Variants in GDPD1 observed in about 807,000 individuals in gnomAD.
GDPD1 encodes the protein lysophospholipase D GDPD1.
A neutral mutation model predicts 45.1 loss-of-function variants in GDPD1; 28 were observed. That is an observed-to-expected ratio of 0.62 (90% CI 0.46 to 0.85). GDPD1 has a LOEUF of 0.85. Among genes scored for constraint, GDPD1 ranks in the 40% least tolerant of loss-of-function variants. The pLI is 0.00. For missense variants in GDPD1, 256 were observed against 364.8 expected (o/e 0.70, Z 2.43); for synonymous variants, 139 against 131.4 (o/e 1.06, Z -0.40).
Position 59,273,928 on chromosome 17 carries a change from T to C in GDPD1, c.*155T>C. 1.2e-5 allele frequency: 10 copies of C among 823,112 alleles called. No individual in the cohort carries two copies. In the African/African-American group the frequency reaches 1.3e-4, roughly 10 times the overall value. The allele number at this position is 823,112 out of a possible 1,614,324, so 51.0% of individuals were successfully genotyped here. On this transcript the variant is annotated 3_prime_UTR_variant, in exon 10 of 10. Transcript: ENST00000284116. Reference sequence around the variant, plus strand: ...CCTGTATGAGAATGTAGAAACTATATATTATATGTATATTTATTTTAAATA... The same window carrying C: ...CCTGTATGAGAATGTAGAAACTATACATTATATGTATATTTATTTTAAATA...
intron 1 of GDPD1, among the ~76,000 whole-genome samples, chr17:59,231,702 TTTAAAA>T (rs1220576472): frequency 1.3e-5 from 2 of 152,066 alleles, no homozygotes; most frequent in African/African-American, 4.8e-5. Flanking sequence ...GTTTTTTTTA[TTTAAAA>T]TTAAGACAAC....
At chr17:59,271,230 A>G (rs1376778989) in intron 8 of GDPD1, among the ~76,000 whole-genome samples, 1 of 152,208 alleles carries the variant, frequency 6.6e-6, no homozygotes, top group African/African-American at 2.4e-5. Context: ...CTGAGCCCCC[A>G]TATACCCAGT....
intron 1 of GDPD1, among the ~76,000 whole-genome samples, chr17:59,221,650 T>G (rs1314871590): frequency 1.3e-5 from 2 of 152,168 alleles, no homozygotes; most frequent in Admixed American, 1.3e-4. Flanking sequence ...CTTTGCTTCT[T>G]CATTATTGTG....
chr17:59,235,336 G>T (rs2047123489), intron 2 of GDPD1, among the ~76,000 whole-genome samples: 1 of 152,008 alleles, frequency 6.6e-6, no homozygotes, highest in South Asian at 2.1e-4. Context: ...TTTTTGTTCT[G>T]CTTCTCACCA....
At chr17:59,257,546 ACT>A (rs2047318784) in intron 5 of GDPD1, among the ~76,000 whole-genome samples, 1 of 152,158 alleles carries the variant, frequency 6.6e-6, no homozygotes, top group Non-Finnish European at 1.5e-5. Flanking sequence ...TTACTAAATA[ACT>A]CTATTCTGTT....
chr17:59,234,052 G>A (rs2047112303), intron 1 of GDPD1, among the ~76,000 whole-genome samples: 1 of 152,004 alleles, frequency 6.6e-6, no homozygotes, highest in Non-Finnish European at 1.5e-5. Flanking sequence ...AAGCATTTTG[G>A]ATAAGGGATA....
intron 1 of GDPD1, among the ~76,000 whole-genome samples, chr17:59,226,982 G>A (rs1464883106): frequency 6.6e-6 from 1 of 151,758 alleles, no homozygotes; most frequent in Non-Finnish European, 1.5e-5. Flanking sequence ...CGCCCACCCT[G>A]AGCAGTACCT....
intron 4 of GDPD1, among the ~76,000 whole-genome samples, chr17:59,251,007 A>G (rs1226289418): frequency 6.6e-6 from 1 of 152,130 alleles, no homozygotes; most frequent in Admixed American, 6.6e-5. Context: ...CACCTGGCCA[A>G]TTTTTGAATG....
In GDPD1 at chr17:59,274,554, C is replaced by A. The variant is rs1461241356; in HGVS notation, c.*781C>A. The A allele has an allele frequency of 2.3e-5, 3 of 133,114 alleles. No homozygotes were observed. Among genetic ancestry groups the A allele is most frequent in the Admixed American group, 8.1e-5 (1 of 12,310 alleles). 8.2% of individuals were successfully genotyped at this position (133,114 alleles called of 1,614,324 possible). On this transcript the variant is annotated 3_prime_UTR_variant, in exon 10 of 10. Transcript: ENST00000284116. The stretch of plus-strand genomic sequence containing the variant: ...AAAAAAAATGGGAGGCCGAGGCGGG[C>A]GGATCACGAGGTCAGGAGATCGAGA...
At chr17:59,241,602 G>T (rs1190453312) in intron 2 of GDPD1, among the ~76,000 whole-genome samples, 4 of 151,600 alleles carry the variant, frequency 2.6e-5, no homozygotes, top group African/African-American at 9.7e-5. Flanking sequence ...ACAGGCATGA[G>T]CCATCGTGCC....
Position 59,275,368 on chromosome 17 carries a change from T to A in GDPD1, c.*1595T>A. ...AGAGTGAATTAGATTTCTGAGTTGT[T>A]GTTGTTAATGGAACATTCTATTTGA... On this transcript the variant is annotated 3_prime_UTR_variant, in exon 10 of 10. Coordinates refer to ENST00000284116, the MANE Select transcript of GDPD1 (RefSeq NM_182569.4). 1 of 564,686 alleles carries A rather than the reference T, an allele frequency of 1.8e-6. No homozygotes were observed. The highest frequency in any genetic ancestry group is 3.0e-5 in the Admixed American group (1 of 33,690). The allele number at this position is 564,686 out of a possible 1,614,324, so 35.0% of individuals were successfully genotyped here. A position where few individuals can be genotyped will look rare whatever the true frequency, so the allele number is the denominator to read the frequency against.
chr17:59,274,540 G>T lies in GDPD1; in HGVS notation c.*767G>T, dbSNP rs2047467321. On this transcript the variant is annotated 3_prime_UTR_variant, in exon 10 of 10. Transcript: ENST00000284116. ...AAAAAAAAAAAAAAAAAAAAAATGG[G>T]AGGCCGAGGCGGGCGGATCACGAGG... 6.9e-6 allele frequency: 1 copy of T among 145,794 alleles called. No individual in the cohort carries two copies. The highest frequency in any genetic ancestry group is 1.5e-5 in the Non-Finnish European group (1 of 67,382). 9.0% of individuals were successfully genotyped at this position (145,794 alleles called of 1,614,324 possible). A position where few individuals can be genotyped will look rare whatever the true frequency, so the allele number is the denominator to read the frequency against.
Position 59,237,483 on chromosome 17 carries a change from A to G in GDPD1, c.185+2949A>G, listed in dbSNP as rs545229258. 2.6e-5 allele frequency among the ~76,000 whole-genome samples: 4 copies of G among 152,328 alleles called. No individual in the cohort carries two copies. In the South Asian group the frequency reaches 8.3e-4, roughly 32 times the overall value. On this transcript the variant is annotated intron_variant, in intron 2 of 9. Coordinates refer to ENST00000284116, the MANE Select transcript of GDPD1 (RefSeq NM_182569.4). ...AAAATACTAAAGAGTTGTAATGTACAATCAGGAGAAGATACATACTATGCT... is the reference window on the plus strand; with the variant it reads ...AAAATACTAAAGAGTTGTAATGTACGATCAGGAGAAGATACATACTATGCT...
intron 4 of GDPD1, among the ~76,000 whole-genome samples, chr17:59,256,017 T>G (rs2047306520): frequency 6.7e-6 from 1 of 148,598 alleles, no homozygotes; most frequent in African/African-American, 2.5e-5. Flanking sequence ...AGATCCTGTC[T>G]CAAAAAAACA....
At chr17:59,244,790 G>C (rs189087820) in intron 2 of GDPD1, among the ~76,000 whole-genome samples, 30 of 152,164 alleles carry the variant, frequency 2.0e-4, no homozygotes, top group Admixed American at 2.0e-3. Context: ...GAGCCCAGGA[G>C]TTCAAGACCA....
chr17:59,257,715 A>T (rs775572615), intron 5 of GDPD1, 36 bp from the exon 6 acceptor site: 4 of 1,298,428 alleles, frequency 3.1e-6, no homozygotes, highest in South Asian at 1.3e-5. Flanking sequence ...ATTTGCAAAT[A>T]GGCACATGCA....
chr17:59,223,534 G>C (rs2047022282), intron 1 of GDPD1, among the ~76,000 whole-genome samples: 1 of 152,092 alleles, frequency 6.6e-6, no homozygotes, highest in Non-Finnish European at 1.5e-5. Flanking sequence ...TCTTCGACAC[G>C]GATAATAGCA....
intron 7 of GDPD1, among the ~76,000 whole-genome samples, chr17:59,267,584 A>C (rs2147905353): frequency 6.6e-6 from 1 of 152,238 alleles, no homozygotes; most frequent in African/African-American, 2.4e-5. Flanking sequence ...AGGAAGAAAA[A>C]ACCACCACCA....
chr17:59,268,149 A>G (rs1190752733), intron 7 of GDPD1, among the ~76,000 whole-genome samples: 1 of 152,202 alleles, frequency 6.6e-6, no homozygotes, highest in African/African-American at 2.4e-5. Context: ...TTGTTATTAT[A>G]AAGAATGATA....
Sources: gnomAD v4.1 joint callset for allele counts (sites outside exome capture counted in the v4.1 genomes callset) on GRCh38, gnomAD v4.1.1 for gene constraint, MANE v1.5 for transcripts, NCBI Gene and HGNC (gene_info 2026-07-23, HGNC 2026-07-21) for gene names.